SORCS3: variants seen among roughly 807,000 people sequenced by gnomAD.
SORCS3 encodes VPS10 domain-containing receptor SorCS3.
A neutral mutation model predicts 146.3 loss-of-function variants in SORCS3; 57 were observed. That is an observed-to-expected ratio of 0.39 (90% CI 0.31 to 0.49). The LOEUF (loss-of-function observed/expected upper bound fraction) is 0.49. Ranked by LOEUF, SORCS3 falls within the 20% of genes least tolerant of loss-of-function variation. SORCS3 has a pLI of 0.92. For missense variants in SORCS3, 1,341 were observed against 1,575.5 expected (o/e 0.85, Z 2.52); for synonymous variants, 653 against 618.5 (o/e 1.06, Z -0.83).
Position 105,263,425 on chromosome 10 carries a change from A to G in SORCS3, c.*51A>G. On this transcript the variant is annotated 3_prime_UTR_variant, in exon 27 of 27. Transcript: ENST00000369701. The stretch of plus-strand genomic sequence containing the variant: ...CCTTTCTGACTTTTTATTTTTGATG[A>G]TTACTATTACTATTATTATGGAAAA... The G allele has an allele frequency of 6.7e-7, 1 of 1,496,446 alleles. No individual in the cohort carries two copies. Among genetic ancestry groups the G allele is most frequent in the Non-Finnish European group, 9.3e-7 (1 of 1,077,902 alleles). 92.7% of individuals were successfully genotyped at this position (1,496,446 alleles called of 1,614,324 possible). A position where few individuals can be genotyped will look rare whatever the true frequency, so the allele number is the denominator to read the frequency against.
In SORCS3 at chr10:105,089,975, C is replaced by T. The variant is rs190032255; in HGVS notation, c.1093+136C>T. 2.5e-5 allele frequency: 17 copies of T among 686,616 alleles called. No individual in the cohort carries two copies. The African/African-American group carries it at 2.8e-4, about 11-fold the overall frequency. 42.5% of individuals were successfully genotyped at this position (686,616 alleles called of 1,614,324 possible). ...TACAGCCACATCCATCCTTAATTCC[C>T]AGAGTAAGGGTGAGAAGTCCTTTCC... On this transcript the variant is annotated intron_variant, in intron 6 of 26. Coordinates refer to ENST00000369701, the MANE Select transcript of SORCS3 (RefSeq NM_014978.3).
rs780591673 is a variant in SORCS3 at position 104,641,633 on chromosome 10, G to C, written c.306G>C (p.Gln102His). Residue 102 changes from glutamine to histidine, a missense_variant, in exon 1 of 27, where the codon CAG becomes CAC. Transcript: ENST00000369701. The surrounding 1 kb of genome is among the most constrained non-coding windows in gnomAD (Gnocchi z 6.4). ...QQGGGRGGEM[Q>H]VEAGGTSPAG... ...GCGGCGGCAGAGGCGGTGAGATGCAGGTGGAAGCCGGAGGGACATCACCGG... is the reference window on the plus strand; with the variant it reads ...GCGGCGGCAGAGGCGGTGAGATGCACGTGGAAGCCGGAGGGACATCACCGG... 7 of 1,524,800 alleles carry C rather than the reference G, an allele frequency of 4.6e-6. No homozygotes were observed. Among genetic ancestry groups the C allele is most frequent in the South Asian group, 1.2e-5 (1 of 82,730 alleles). The allele number at this position is 1,524,800 out of a possible 1,614,324, so 94.5% of individuals were successfully genotyped here.
chr10:104,743,787 G>A (rs532466077), intron 1 of SORCS3, among the ~76,000 whole-genome samples: 4 of 152,216 alleles, frequency 2.6e-5, no homozygotes, highest in Admixed American at 1.3e-4. Context: ...ACAGGAATCC[G>A]CCTTGTCTGT....
intron 1 of SORCS3, among the ~76,000 whole-genome samples, chr10:104,789,862 T>G (rs2017476781): frequency 6.6e-6 from 1 of 152,216 alleles, no homozygotes; most frequent in Non-Finnish European, 1.5e-5. Context: ...CTGTTTCCCC[T>G]GCCTGGTTTT....
intron 1 of SORCS3, among the ~76,000 whole-genome samples, chr10:104,724,346 C>CAA (rs1485631137): frequency 2.4e-4 from 36 of 152,350 alleles, no homozygotes; most frequent in African/African-American, 8.7e-4. Flanking sequence ...GAGAGATCAG[C>CAA]TGTTAGTCTG....
At chr10:104,979,156 T>C (rs987840404) in intron 4 of SORCS3, among the ~76,000 whole-genome samples, 1 of 152,114 alleles carries the variant, frequency 6.6e-6, no homozygotes, top group African/African-American at 2.4e-5. Context: ...ACAAATGAGA[T>C]TTTGTGTTGA....
intron 1 of SORCS3, among the ~76,000 whole-genome samples, chr10:104,654,741 T>C (rs955480298): frequency 1.3e-5 from 2 of 152,236 alleles, no homozygotes; most frequent in South Asian, 4.1e-4. Context: ...TCTCCCCTTC[T>C]ACTCATGGAC....
At chr10:104,799,316 T>A (rs1315060111) in intron 1 of SORCS3, among the ~76,000 whole-genome samples, 1 of 152,208 alleles carries the variant, frequency 6.6e-6, no homozygotes, top group Non-Finnish European at 1.5e-5. Flanking sequence ...AATGATAGAC[T>A]GGATTAAGAA....
At chr10:104,742,965 G>A (rs1342165474) in intron 1 of SORCS3, among the ~76,000 whole-genome samples, 1 of 152,096 alleles carries the variant, frequency 6.6e-6, no homozygotes, top group Non-Finnish European at 1.5e-5. Flanking sequence ...TAAGAAGCTT[G>A]GATATAAATA....
At chr10:105,029,870 C>T (rs1323747069) in intron 4 of SORCS3, among the ~76,000 whole-genome samples, 1 of 152,202 alleles carries the variant, frequency 6.6e-6, no homozygotes, top group Non-Finnish European at 1.5e-5. Context: ...CCTTCTTCCC[C>T]ATTTGCATTA....
intron 12 of SORCS3, among the ~76,000 whole-genome samples, chr10:105,166,316 C>T (rs1053358528): frequency 2.0e-5 from 3 of 152,196 alleles, no homozygotes; most frequent in Non-Finnish European, 2.9e-5. Context: ...ATCCCAACTT[C>T]TCCATCTAGG....
intron 4 of SORCS3, among the ~76,000 whole-genome samples, chr10:104,995,710 T>C (rs142607846): frequency 6.6e-6 from 1 of 152,316 alleles, no homozygotes; most frequent in African/African-American, 2.4e-5. Context: ...TCATAGCTTA[T>C]CTTTTAATTC....
In SORCS3 at chr10:104,774,038, G is replaced by A. The variant is rs756919133; in HGVS notation, c.628-68754G>A. On this transcript the variant is annotated intron_variant, in intron 1 of 26. Transcript: ENST00000369701. ...TCCTTCTGGATTGTTTTTGAGTATTGTTTTAAATTTTACCTTAAAAAGTGT... is the reference window on the plus strand; with the variant it reads ...TCCTTCTGGATTGTTTTTGAGTATTATTTTAAATTTTACCTTAAAAAGTGT... Among the ~76,000 whole-genome samples the A allele has an allele frequency of 6.6e-5, 10 of 152,186 alleles. No homozygotes were observed. The East Asian group carries it at 1.4e-3, about 21-fold the overall frequency.
intron 1 of SORCS3, among the ~76,000 whole-genome samples, chr10:104,760,602 C>T (rs1262092040): frequency 6.6e-6 from 1 of 152,128 alleles, no homozygotes; most frequent in Non-Finnish European, 1.5e-5. Context: ...ATTGTAATAA[C>T]TTTGAGTGTT....
chr10:104,674,585 C>T (rs140276548), intron 1 of SORCS3, among the ~76,000 whole-genome samples: 4 of 152,330 alleles, frequency 2.6e-5, no homozygotes, highest in East Asian at 1.9e-4. Context: ...GCCTGGCTGA[C>T]ATCTTTCGTA....
chr10:104,682,043 T>C, intron 1 of SORCS3, among the ~76,000 whole-genome samples: 1 of 152,240 alleles, frequency 6.6e-6, no homozygotes, highest in Non-Finnish European at 1.5e-5. Flanking sequence ...TTGTCTGTTT[T>C]GTTTCCAGGC....
intron 1 of SORCS3, among the ~76,000 whole-genome samples, chr10:104,836,502 A>G (rs2018069307): frequency 6.6e-6 from 1 of 152,186 alleles, no homozygotes; most frequent in Non-Finnish European, 1.5e-5. Context: ...CTTGGGGACA[A>G]GAAAATTGGA....
intron 2 of SORCS3, among the ~76,000 whole-genome samples, chr10:104,894,861 C>T (rs1291563087): frequency 1.3e-5 from 2 of 152,126 alleles, no homozygotes; most frequent in Non-Finnish European, 2.9e-5. Context: ...TTTTAGTTAG[C>T]ATCCTGGAAT....
At chr10:104,832,699 C>T (rs934202452) in intron 1 of SORCS3, among the ~76,000 whole-genome samples, 12 of 151,646 alleles carry the variant, frequency 7.9e-5, no homozygotes, top group Admixed American at 2.0e-4. Flanking sequence ...GCCTCGGCAA[C>T]GAGAGTGAAA....
Sources: allele counts gnomAD v4.1 joint callset (sites outside exome capture counted in the v4.1 genomes callset), GRCh38; gene constraint gnomAD v4.1.1; non-coding constraint Gnocchi (gnomAD v3.1); transcripts MANE v1.5; gene names NCBI Gene and HGNC (gene_info 2026-07-23, HGNC 2026-07-21).